OPN3: variants seen among roughly 807,000 people sequenced by gnomAD.
OPN3 encodes opsin-3.
In OPN3, 29 loss-of-function variants were observed where a neutral mutation model predicts 33.8. That is an observed-to-expected ratio of 0.86 (90% confidence interval 0.64 to 1.17). The LOEUF is 1.17. OPN3 is among the 50% of genes most tolerant of loss of function. The pLI is 0.00. For synonymous variants in OPN3, 216 were observed against 216.1 expected (o/e 1.00, Z 0.00); for missense variants, 437 against 514.1 (o/e 0.85, Z 1.45).
intron 1 of OPN3, chr1:241,628,937 T>C (rs946141615): frequency 6.6e-6 from 1 of 152,632 alleles, no homozygotes; most frequent in Non-Finnish European, 1.5e-5. Context: ...ACCCCTAATG[T>C]TAAACTGAAT....
chr1:241,605,071 A>T (rs1012375944), intron 1 of OPN3, among the ~76,000 whole-genome samples: 10 of 140,738 alleles, frequency 7.1e-5, no homozygotes, highest in Admixed American at 5.0e-4. Context: ...AAAAAAAAAT[A>T]AAATAAAATA....
intron 1 of OPN3, chr1:241,635,660 T>C: frequency 1.2e-6 from 2 of 1,614,090 alleles, no homozygotes; most frequent in South Asian, 2.2e-5. Context: ...TGAATCAATA[T>C]GCAGAACCCT....
At chr1:241,615,490 C>T (rs994962677) in intron 1 of OPN3, among the ~76,000 whole-genome samples, 1 of 152,212 alleles carries the variant, frequency 6.6e-6, no homozygotes, top group East Asian at 1.9e-4. Flanking sequence ...CCTCTATCCC[C>T]TATCTCGTAT....
chr1:241,629,641 C>T (rs1446017941), intron 1 of OPN3: 1 of 152,026 alleles, frequency 6.6e-6, no homozygotes, highest in Non-Finnish European at 1.5e-5. Context: ...ATCTACCTTG[C>T]CAATTGCCAT....
At chr1:241,610,644 AC>A (rs1430062618) in intron 1 of OPN3, among the ~76,000 whole-genome samples, 1 of 152,232 alleles carries the variant, frequency 6.6e-6, no homozygotes, top group African/African-American at 2.4e-5. Context: ...TGTGTCAGGC[AC>A]TGTGCTAGAC....
At chr1:241,624,776 A>G (rs1299486167) in intron 1 of OPN3, among the ~76,000 whole-genome samples, 1 of 152,208 alleles carries the variant, frequency 6.6e-6, no homozygotes, top group Admixed American at 6.5e-5. Flanking sequence ...CTCTGAAGGC[A>G]CCACATCACA....
chr1:241,631,485 A>G (rs1252873489), intron 1 of OPN3: 2 of 152,060 alleles, frequency 1.3e-5, no homozygotes, highest in Admixed American at 1.3e-4. Flanking sequence ...CTTTAGGATA[A>G]AGTTTAAATA....
intron 3 of OPN3, among the ~76,000 whole-genome samples, chr1:241,595,797 T>A (rs1663489817): frequency 6.6e-6 from 1 of 152,346 alleles, no homozygotes; most frequent in Non-Finnish European, 1.5e-5. Flanking sequence ...TTCAAAAATT[T>A]AAAAAATAAA....
At chr1:241,639,779 G>GA (rs1665043608) in intron 1 of OPN3, 103 bp downstream of exon 1, 2 of 1,105,262 alleles carry the variant, frequency 1.8e-6, no homozygotes, top group African/African-American at 4.0e-5. Flanking sequence ...GGCCGAGCGG[G>GA]AAGCGGTGCG....
chr1:241,606,570 TAAATAAATAAATAAATA>T (rs1371227933), intron 1 of OPN3, among the ~76,000 whole-genome samples: 3 of 149,544 alleles, frequency 2.0e-5, no homozygotes, highest in African/African-American at 4.9e-5. Flanking sequence ...AATAAATAAA[TAAATAAATAAATAAATA>T]AAATAAATAA....
At chr1:241,617,243 G>C (rs949340821) in intron 1 of OPN3, among the ~76,000 whole-genome samples, 6 of 152,076 alleles carry the variant, frequency 3.9e-5, no homozygotes, top group Non-Finnish European at 8.8e-5. Context: ...CTAGTGTGGA[G>C]CTCTATTTGG....
At chr1:241,637,635 GCACGTTCTAAC>G (rs1664948839) in intron 1 of OPN3, among the ~76,000 whole-genome samples, 1 of 151,874 alleles carries the variant, frequency 6.6e-6, no homozygotes, top group Non-Finnish European at 1.5e-5. Flanking sequence ...CTAAGATCAG[GCACGTTCTAAC>G]CTACAGATAT....
At chr1:241,597,662 C>T in intron 3 of OPN3, 84 bp downstream of exon 3, 5 of 1,324,310 alleles carry the variant, frequency 3.8e-6, no homozygotes, top group South Asian at 1.8e-5. Context: ...TGAAGCGACT[C>T]TGAATCACCT....
intron 1 of OPN3, among the ~76,000 whole-genome samples, chr1:241,624,147 C>T (rs1664346064): frequency 6.7e-6 from 1 of 150,048 alleles, no homozygotes; most frequent in Non-Finnish European, 1.5e-5. Context: ...ATGCTCCAGA[C>T]ACTGTGGACC....
chr1:241,612,917 G>A (rs1396448909), intron 1 of OPN3, among the ~76,000 whole-genome samples: 3 of 151,980 alleles, frequency 2.0e-5, no homozygotes, highest in Non-Finnish European at 4.4e-5. Flanking sequence ...ATCTCCTCAG[G>A]GAGATGAATT....
At chr1:241,627,799 G>C (rs1357436761) in intron 1 of OPN3, among the ~76,000 whole-genome samples, 1 of 152,164 alleles carries the variant, frequency 6.6e-6, no homozygotes, top group Non-Finnish European at 1.5e-5. Context: ...ATTTTCAGAG[G>C]AAGCAGCCAC....
intron 3 of OPN3, among the ~76,000 whole-genome samples, chr1:241,595,891 G>A (rs1439283765): frequency 2.0e-5 from 3 of 149,562 alleles, no homozygotes; most frequent in African/African-American, 7.6e-5. Flanking sequence ...AATAGAGTAT[G>A]TATGCCAAAA....
At chr1:241,639,852 G>A (rs1238310539) in intron 1 of OPN3, 30 bp downstream of exon 1, 1 of 1,486,860 alleles carries the variant, frequency 6.7e-7, no homozygotes, top group South Asian at 1.3e-5. Flanking sequence ...GTTTGCAGAG[G>A]GGAGGCTGCC....
rs1300737701 is a variant in OPN3 at position 241,593,351 on chromosome 1, C to G, written c.*1077G>C. 3 of 433,346 alleles carry G rather than the reference C, an allele frequency of 6.9e-6. No individual in the cohort carries two copies. Among genetic ancestry groups the G allele is most frequent in the East Asian group, 7.1e-5 (1 of 14,054 alleles). 26.8% of individuals were successfully genotyped at this position (433,346 alleles called of 1,614,324 possible). On this transcript the variant is annotated 3_prime_UTR_variant, in exon 4 of 4. Coordinates refer to ENST00000366554, the MANE Select transcript of OPN3 (RefSeq NM_014322.3). ...TAGTGAAATGTTTTCTTTGGTTCATCCTTCTTTAACAGGCTGCTGAGTCAC... is the reference window on the plus strand; with the variant it reads ...TAGTGAAATGTTTTCTTTGGTTCATGCTTCTTTAACAGGCTGCTGAGTCAC...
Sources: allele counts gnomAD v4.1 joint callset (sites outside exome capture counted in the v4.1 genomes callset), GRCh38; gene constraint gnomAD v4.1.1; transcripts MANE v1.5; gene names NCBI Gene and HGNC (gene_info 2026-07-23, HGNC 2026-07-21).